OR6N1: variants seen among roughly 807,000 people sequenced by gnomAD.
OR6N1 encodes olfactory receptor 6N1.
For synonymous variants in OR6N1, 170 were observed against 150.7 expected (o/e 1.13, Z -0.94); for missense variants, 394 against 371.7 (o/e 1.06, Z -0.49).
the OR6N1 span, among the ~76,000 whole-genome samples, chr1:158,803,628 A>G: frequency 6.6e-6 from 1 of 152,208 alleles, no homozygotes; most frequent in Non-Finnish European, 1.5e-5. Flanking sequence ...GACTTTCTGC[A>G]TCATTTGTAT....
chr1:158,786,103 A>G, the OR6N1 span, among the ~76,000 whole-genome samples: 1 of 152,228 alleles, frequency 6.6e-6, no homozygotes, highest in Non-Finnish European at 1.5e-5. Context: ...TTCACAAACT[A>G]TGCATCCAAC....
chr1:158,816,838 A>C, the OR6N1 span, among the ~76,000 whole-genome samples: 3 of 152,268 alleles, frequency 2.0e-5, no homozygotes, highest in South Asian at 6.2e-4. Context: ...TTCTTTAAGA[A>C]GCGTTGTAAT....
At chr1:158,818,839 A>G in the OR6N1 span, among the ~76,000 whole-genome samples, 1 of 152,046 alleles carries the variant, frequency 6.6e-6, no homozygotes, top group Admixed American at 6.6e-5. Context: ...CTGAACTACC[A>G]CTGTTATACA....
chr1:158,819,688 T>C, the OR6N1 span, among the ~76,000 whole-genome samples: 4 of 152,126 alleles, frequency 2.6e-5, no homozygotes, highest in African/African-American at 4.8e-5. Flanking sequence ...ATTTCCTTTT[T>C]AGGAAAAAAA....
the OR6N1 span, among the ~76,000 whole-genome samples, chr1:158,835,054 C>A: frequency 6.6e-6 from 1 of 152,102 alleles, no homozygotes; most frequent in Non-Finnish European, 1.5e-5. Flanking sequence ...AAGTCTGAAA[C>A]CTCCATGTTC....
chr1:158,803,231 T>C, the OR6N1 span, among the ~76,000 whole-genome samples: 1 of 152,144 alleles, frequency 6.6e-6, no homozygotes, highest in Non-Finnish European at 1.5e-5. Context: ...GAAAGGAAGA[T>C]ATTTGTTTCT....
the OR6N1 span, among the ~76,000 whole-genome samples, chr1:158,834,824 CT>C: frequency 2.6e-5 from 4 of 152,150 alleles, no homozygotes; most frequent in Non-Finnish European, 5.9e-5. Context: ...AAGGGTTCAA[CT>C]TTTTGTATAC....
the OR6N1 span, among the ~76,000 whole-genome samples, chr1:158,781,968 T>A: frequency 6.6e-6 from 1 of 152,222 alleles, no homozygotes; most frequent in Non-Finnish European, 1.5e-5. Context: ...ATCACACAAG[T>A]GCTCTACAAA....
At position 158,768,475 on chromosome 1, in the gene OR6N1, A is replaced by G. The variant is rs150186528; in HGVS notation, c.-18-1775T>C. 3.9e-5 allele frequency among the ~76,000 whole-genome samples: 6 copies of G among 152,254 alleles called. No individual in the cohort carries two copies. In the East Asian group the frequency reaches 1.2e-3, roughly 29 times the overall value. ...TCTCTCATATATCCAGGAACTGACT[A>G]TGTTTGACCACCTCGGTCCAAGTCA... On this transcript the variant is annotated intron_variant, in intron 1 of 1. Coordinates refer to ENST00000641846, the MANE Select transcript of OR6N1 (RefSeq NM_001005185.2).
At chr1:158,824,572 G>A in the OR6N1 span, among the ~76,000 whole-genome samples, 1 of 152,108 alleles carries the variant, frequency 6.6e-6, no homozygotes, top group East Asian at 1.9e-4. Context: ...TTTTCTTCTA[G>A]GCCCATTTGA....
At chr1:158,824,516 G>T in the OR6N1 span, among the ~76,000 whole-genome samples, 1 of 152,132 alleles carries the variant, frequency 6.6e-6, no homozygotes, top group South Asian at 2.1e-4. Context: ...TGTGCCATGT[G>T]GTGATGAAAA....
the OR6N1 span, among the ~76,000 whole-genome samples, chr1:158,815,275 G>T: frequency 6.6e-6 from 1 of 152,106 alleles, no homozygotes; most frequent in African/African-American, 2.4e-5. Flanking sequence ...ATGTTGCCAT[G>T]AGTTGTTATA....
chr1:158,840,180 A>T, the OR6N1 span, among the ~76,000 whole-genome samples: 2 of 152,214 alleles, frequency 1.3e-5, no homozygotes, highest in Admixed American at 6.5e-5. Flanking sequence ...TCAACAAATC[A>T]TGCCACTATT....
chr1:158,780,760 A>C, the OR6N1 span, among the ~76,000 whole-genome samples: 97,264 of 152,038 alleles, frequency 0.64, 31,749 homozygotes, highest in African/African-American at 0.78. Flanking sequence ...ACTGTCTATA[A>C]CTCATTAGAT....
the OR6N1 span, among the ~76,000 whole-genome samples, chr1:158,777,910 C>G: frequency 8.5e-5 from 13 of 152,096 alleles, no homozygotes; most frequent in African/African-American, 2.9e-4. Context: ...GCCTATTTTG[C>G]AAATAAGAAA....
the OR6N1 span, among the ~76,000 whole-genome samples, chr1:158,786,798 T>C: frequency 6.6e-6 from 1 of 152,128 alleles, no homozygotes. Context: ...GCTATGTGGA[T>C]GCAAAGGCAT....
chr1:158,817,869 G>A, the OR6N1 span, among the ~76,000 whole-genome samples: 8 of 152,166 alleles, frequency 5.3e-5, no homozygotes, highest in Non-Finnish European at 1.2e-4. Flanking sequence ...GGAAACTGGG[G>A]CAGGTTCTGA....
At chr1:158,777,189 C>T, upstream of OR6N1, 1 of 1,614,040 alleles carries the variant, frequency 6.2e-7, no homozygotes, top group Non-Finnish European at 8.5e-7. Flanking sequence ...AGCCACAAGT[C>T]CAACAAGCAG....
At chr1:158,823,527 T>A in the OR6N1 span, among the ~76,000 whole-genome samples, 5 of 152,176 alleles carry the variant, frequency 3.3e-5, no homozygotes, top group Non-Finnish European at 5.9e-5. Context: ...CTAAGGATTT[T>A]TTATATTTTT....
Sources: allele counts gnomAD v4.1 joint callset (sites outside exome capture counted in the v4.1 genomes callset), GRCh38; gene constraint gnomAD v4.1.1; transcripts MANE v1.5; gene names NCBI Gene and HGNC (gene_info 2026-07-23, HGNC 2026-07-21).